The following ASCC3 variants were observed in gnomAD, a reference collection of about 807,000 sequenced individuals.
ASCC3 encodes ASC-1 complex subunit P200.
In ASCC3, 158 loss-of-function variants were observed where a neutral mutation model predicts 256.3. The ratio of observed to expected loss-of-function variants is 0.62; its 90% CI spans 0.54 to 0.70. The LOEUF is 0.70. Ranked by LOEUF, ASCC3 falls within the 30% of genes least tolerant of loss-of-function variation. The pLI, the probability that ASCC3 is intolerant of heterozygous loss-of-function variation, is 0.00. For missense variants in ASCC3, 2,259 were observed against 2,626.0 expected (o/e 0.86, Z 3.05); for synonymous variants, 948 against 883.4 (o/e 1.07, Z -1.30).
chr6:100,806,790 A>C (rs1407295444), intron 4 of ASCC3, among the ~76,000 whole-genome samples: 1 of 151,952 alleles, frequency 6.6e-6, no homozygotes, highest in Non-Finnish European at 1.5e-5. Flanking sequence ...CAACAAAAGA[A>C]ACAAAATGAA....
intron 10 of ASCC3, among the ~76,000 whole-genome samples, chr6:100,731,445 T>C (rs1208109410): frequency 6.6e-6 from 1 of 152,192 alleles, no homozygotes; most frequent in Non-Finnish European, 1.5e-5. Context: ...TACAAAATTG[T>C]TTATATTTCT....
At chr6:100,546,648 TA>T (rs1385141749) in intron 36 of ASCC3, among the ~76,000 whole-genome samples, 1 of 151,944 alleles carries the variant, frequency 6.6e-6, no homozygotes, top group East Asian at 1.9e-4. Context: ...TTTACTTGTT[TA>T]AAAAAAATCC....
chr6:100,757,360 G>GA (rs947207371), intron 10 of ASCC3, among the ~76,000 whole-genome samples: 16 of 151,940 alleles, frequency 1.1e-4, no homozygotes, highest in African/African-American at 3.9e-4. Context: ...TAATTCACTA[G>GA]AAAAGGCTAG....
At chr6:100,571,406 TCACTTATATTCA>T (rs1770585757) in intron 36 of ASCC3, among the ~76,000 whole-genome samples, 1 of 152,194 alleles carries the variant, frequency 6.6e-6, no homozygotes, top group Admixed American at 6.5e-5. Context: ...TCCCCATATC[TCACTTATATTCA>T]CCTGAAATTA....
At chr6:100,842,197 A>G (rs958906119) in intron 4 of ASCC3, among the ~76,000 whole-genome samples, 6 of 152,194 alleles carry the variant, frequency 3.9e-5, no homozygotes, top group Non-Finnish European at 8.8e-5. Context: ...TGAATGGAGA[A>G]CTTTTTCATA....
chr6:100,618,430 A>T (rs1773774262), intron 30 of ASCC3, among the ~76,000 whole-genome samples: 1 of 152,178 alleles, frequency 6.6e-6, no homozygotes, highest in South Asian at 2.1e-4. Context: ...CGTGACAAAA[A>T]GTTAAGAGCA....
At chr6:100,847,858 G>A (rs1242851169) in intron 4 of ASCC3, 1 of 234,790 alleles carries the variant, frequency 4.3e-6, no homozygotes, top group African/African-American at 2.3e-5. Context: ...AATTTGTCCA[G>A]TATTAAAATT....
At chr6:100,617,887 C>T (rs1773750562) in intron 30 of ASCC3, among the ~76,000 whole-genome samples, 2 of 152,200 alleles carry the variant, frequency 1.3e-5, no homozygotes, top group African/African-American at 4.8e-5. Context: ...CTGAGAGTCT[C>T]ATGTGCTTAC....
intron 32 of ASCC3, 123 bp downstream of exon 32, chr6:100,606,617 T>A: frequency 1.9e-6 from 2 of 1,075,376 alleles, no homozygotes; most frequent in Non-Finnish European, 2.6e-6. Context: ...TTGCTTATCA[T>A]CTGTTTAAAT....
chr6:100,605,539 C>T, intron 33 of ASCC3, 29 bp downstream of exon 33: 1 of 1,411,302 alleles, frequency 7.1e-7, no homozygotes, highest in Non-Finnish European at 1.0e-6. Context: ...TTAAATAAAT[C>T]CATTTAAACT....
intron 37 of ASCC3, 148 bp downstream of exon 37, chr6:100,540,015 G>T: frequency 1.3e-6 from 1 of 765,780 alleles, no homozygotes; most frequent in Non-Finnish European, 2.2e-6. Flanking sequence ...CTTTTACTTT[G>T]GAAATTCTTG....
At chr6:100,695,295 G>A (rs1407840843) in intron 13 of ASCC3, among the ~76,000 whole-genome samples, 1 of 152,086 alleles carries the variant, frequency 6.6e-6, no homozygotes, top group African/African-American at 2.4e-5. Context: ...TGCAATCTTG[G>A]ACAGGGATCT....
chr6:100,785,057 C>A (rs1782626397), intron 8 of ASCC3, among the ~76,000 whole-genome samples: 1 of 152,042 alleles, frequency 6.6e-6, no homozygotes, highest in East Asian at 1.9e-4. Context: ...ATATGAAAGA[C>A]AGTACATGGA....
At chr6:100,533,023 GAGTTAT>G (rs376120237) in intron 37 of ASCC3, among the ~76,000 whole-genome samples, 11 of 151,742 alleles carry the variant, frequency 7.2e-5, no homozygotes, top group African/African-American at 2.2e-4. Context: ...TGAAGATTTT[GAGTTAT>G]AGTTATTGTT....
chr6:100,720,966 T>C (rs969192477), intron 11 of ASCC3, among the ~76,000 whole-genome samples: 6 of 148,710 alleles, frequency 4.0e-5, no homozygotes, highest in Admixed American at 1.4e-4. Flanking sequence ...TATTTACAAT[T>C]AATTTATATT....
At chr6:100,806,333 T>C in intron 4 of ASCC3, among the ~76,000 whole-genome samples, 1 of 152,094 alleles carries the variant, frequency 6.6e-6, no homozygotes, top group East Asian at 1.9e-4. Flanking sequence ...GTGCCAATTT[T>C]TTACATGTAT....
intron 30 of ASCC3, among the ~76,000 whole-genome samples, chr6:100,614,811 T>TGA (rs1554202125): frequency 2.0e-5 from 3 of 152,198 alleles, no homozygotes; most frequent in Non-Finnish European, 4.4e-5. Context: ...TATGAAATAA[T>TGA]GAGTAACTCT....
intron 4 of ASCC3, among the ~76,000 whole-genome samples, chr6:100,828,155 A>G (rs1256591713): frequency 4.7e-5 from 7 of 149,850 alleles, no homozygotes; most frequent in African/African-American, 7.5e-5. Flanking sequence ...ACTCATATTA[A>G]TAATTATTTC....
At chr6:100,561,944 A>G (rs1351031679) in intron 36 of ASCC3, among the ~76,000 whole-genome samples, 1 of 152,150 alleles carries the variant, frequency 6.6e-6, no homozygotes, top group Admixed American at 6.6e-5. Flanking sequence ...AAATTGCATT[A>G]TTTTTCTGAG....
Sources: gnomAD v4.1 joint callset for allele counts (sites outside exome capture counted in the v4.1 genomes callset) on GRCh38, gnomAD v4.1.1 for gene constraint, MANE v1.5 for transcripts, NCBI Gene and HGNC (gene_info 2026-07-23, HGNC 2026-07-21) for gene names.